The following AGO2 variants were observed in gnomAD, a reference collection of about 807,000 sequenced individuals.
AGO2 encodes the protein argonaute RISC catalytic component 2.
AGO2 carries 5 observed loss-of-function variants against 102.3 expected under a neutral mutation model. The ratio of observed to expected loss-of-function variants is 0.05; its 90% CI spans 0.03 to 0.10. The LOEUF is 0.10. Ranked by LOEUF, AGO2 falls within the 10% of genes least tolerant of loss-of-function variation. The pLI is 1.00. For missense variants in AGO2, 541 were observed against 1,183.7 expected, an observed-to-expected ratio of 0.46 and a Z score of 7.97; for synonymous variants, 449 against 473.1, an observed-to-expected ratio of 0.95 and a Z score of 0.66.
chr8:140,625,152 T>C (rs2074260162), intron 1 of AGO2, among the ~76,000 whole-genome samples: 1 of 152,218 alleles, frequency 6.6e-6, no homozygotes, highest in Non-Finnish European at 1.5e-5. Flanking sequence ...GCCCTCAGCC[T>C]GCACCTGGGC....
chr8:140,628,536 G>A (rs1225527760), intron 1 of AGO2, among the ~76,000 whole-genome samples: 3 of 152,194 alleles, frequency 2.0e-5, no homozygotes, highest in African/African-American at 7.2e-5. Flanking sequence ...TGGGTGTGGT[G>A]GCTCACACCT....
chr8:140,562,405 G>A lies in AGO2; in HGVS notation c.518+48C>T, dbSNP rs755384970. The A allele has an allele frequency of 5.0e-5, 79 of 1,570,046 alleles. 2 individuals are homozygous for A. Among genetic ancestry groups the A allele is most frequent in the South Asian group, 3.5e-4 (31 of 87,924 alleles). ...ATTTCAGACCCTGCGGGGGGCCCTCGGAGCTGCAGGGGAGTCCCCCGCCCT... is the reference window on the plus strand; with the variant it reads ...ATTTCAGACCCTGCGGGGGGCCCTCAGAGCTGCAGGGGAGTCCCCCGCCCT... On this transcript the variant is annotated intron_variant, in intron 4 of 18. Transcript: ENST00000220592.
chr8:140,608,170 T>C (rs2074029479), intron 1 of AGO2, among the ~76,000 whole-genome samples: 1 of 152,162 alleles, frequency 6.6e-6, no homozygotes, highest in Non-Finnish European at 1.5e-5. Flanking sequence ...GCTGTTGTTT[T>C]CAGACATTAG....
intron 10 of AGO2, among the ~76,000 whole-genome samples, chr8:140,553,400 TTTTGTTTTTTG>T (rs1222286247): frequency 2.4e-5 from 3 of 127,176 alleles, no homozygotes; most frequent in African/African-American, 1.1e-4. Context: ...GTTACAAGTT[TTTTGTTTTTTG>T]TTTTTTTTTT....
At chr8:140,588,941 G>A (rs1291279287) in intron 1 of AGO2, among the ~76,000 whole-genome samples, 1 of 152,354 alleles carries the variant, frequency 6.6e-6, no homozygotes, top group East Asian at 1.9e-4. Flanking sequence ...TTTTAGAGCC[G>A]CATCTCACAC....
intron 1 of AGO2, among the ~76,000 whole-genome samples, chr8:140,606,691 C>A (rs1052490518): frequency 6.6e-6 from 1 of 152,196 alleles, no homozygotes; most frequent in South Asian, 2.1e-4. Context: ...AATCCCAACA[C>A]TTTGGGAGGC....
chr8:140,607,889 C>T (rs535339400), intron 1 of AGO2, among the ~76,000 whole-genome samples: 22 of 152,248 alleles, frequency 1.4e-4, no homozygotes, highest in South Asian at 6.2e-4. Context: ...ATGGACTTAA[C>T]GCAGTTGAGT....
At chr8:140,537,223 AC>A (rs2072713744) in intron 16 of AGO2, among the ~76,000 whole-genome samples, 1 of 151,834 alleles carries the variant, frequency 6.6e-6, no homozygotes, top group Non-Finnish European at 1.5e-5. Flanking sequence ...AACTTTTATA[AC>A]CCTTCCGTGT....
chr8:140,597,465 G>GCCC lies in AGO2; in HGVS notation c.23-12155_23-12154insGGG, dbSNP rs1564108147. On this transcript the variant is annotated intron_variant, in intron 1 of 18. Coordinates refer to ENST00000220592, the MANE Select transcript of AGO2 (RefSeq NM_012154.5). ...CCACGGACACCGATGGGGGCTGGGT[G>GCCC]GCCCCCCCACCCCCCCCCCCCCGCC... is the stretch of plus-strand genomic sequence containing the variant. Among the ~76,000 whole-genome samples the GCCC allele has an allele frequency of 6.3e-4, 50 of 79,314 alleles. 3 individuals are homozygous for GCCC. Among genetic ancestry groups the GCCC allele is most frequent in the African/African-American group, 2.3e-3 (48 of 20,426 alleles). The allele number at this position is 79,314 out of a possible 152,430, so 52.0% of individuals were successfully genotyped here.
intron 2 of AGO2, among the ~76,000 whole-genome samples, chr8:140,584,105 C>T (rs2073605696): frequency 7.1e-6 from 1 of 141,226 alleles, no homozygotes; most frequent in Admixed American, 7.3e-5. Context: ...AAAACTCTCA[C>T]GGATCAATAA....
chr8:140,590,633 G>T (rs965064919), intron 1 of AGO2, among the ~76,000 whole-genome samples: 5 of 152,216 alleles, frequency 3.3e-5, no homozygotes, highest in Non-Finnish European at 5.9e-5. Flanking sequence ...AGGGGAGGCT[G>T]CTCCTGCCTC....
At chr8:140,569,772 G>C (rs2132968446) in intron 3 of AGO2, among the ~76,000 whole-genome samples, 1 of 152,264 alleles carries the variant, frequency 6.6e-6, no homozygotes, top group Non-Finnish European at 1.5e-5. Flanking sequence ...CCCGGGCCTG[G>C]GAGAACTCGT....
upstream of AGO2, among the ~76,000 whole-genome samples, chr8:140,639,597 A>G (rs2074429518): frequency 7.2e-6 from 1 of 138,468 alleles, no homozygotes; most frequent in Non-Finnish European, 1.6e-5. Context: ...CAGCCTGGGG[A>G]CCCCATCGCT....
At chr8:140,598,561 C>T (rs574335392) in intron 1 of AGO2, among the ~76,000 whole-genome samples, 26 of 152,346 alleles carry the variant, frequency 1.7e-4, no homozygotes, top group Admixed American at 1.3e-3. Flanking sequence ...CCACTCTGCG[C>T]GGCAGCACCG....
At chr8:140,572,618 C>A in intron 3 of AGO2, 194 bp downstream of exon 3, 2 of 702,890 alleles carry the variant, frequency 2.8e-6, no homozygotes, top group Admixed American at 3.8e-5. Context: ...ACAAGTTAAA[C>A]CCCCATCACT....
At chr8:140,610,990 T>C (rs1380249471) in intron 1 of AGO2, among the ~76,000 whole-genome samples, 1 of 152,214 alleles carries the variant, frequency 6.6e-6, no homozygotes, top group Admixed American at 6.5e-5. Flanking sequence ...TGGGATTAAG[T>C]AGACACGCGC....
intron 17 of AGO2, among the ~76,000 whole-genome samples, chr8:140,533,697 C>T (rs902346864): frequency 6.6e-6 from 1 of 151,916 alleles, no homozygotes. Flanking sequence ...ATCCCAGCTA[C>T]CCAGGAGGCT....
chr8:140,629,445 C>T (rs1439860570), intron 1 of AGO2, among the ~76,000 whole-genome samples: 2 of 152,152 alleles, frequency 1.3e-5, no homozygotes, highest in Non-Finnish European at 2.9e-5. Context: ...CCAAAGTCCC[C>T]ACTTAACAGG....
At chr8:140,585,644 T>C (rs2073644469) in intron 1 of AGO2, among the ~76,000 whole-genome samples, 1 of 152,246 alleles carries the variant, frequency 6.6e-6, no homozygotes, top group Non-Finnish European at 1.5e-5. Context: ...CCCTTGCTGC[T>C]GCTTAAACCG....
Sources: gnomAD v4.1 joint callset for allele counts (sites outside exome capture counted in the v4.1 genomes callset) on GRCh38, gnomAD v4.1.1 for gene constraint, MANE v1.5 for transcripts, NCBI Gene and HGNC (gene_info 2026-07-23, HGNC 2026-07-21) for gene names.